The following SRGAP2C variants were observed in gnomAD, a reference collection of about 807,000 sequenced individuals.
SRGAP2C encodes the protein SLIT-ROBO Rho GTPase activating protein 2C.
In SRGAP2C, 15 loss-of-function variants were observed where a neutral mutation model predicts 25.1. That is an observed-to-expected ratio of 0.60 (90% CI 0.40 to 0.92). The LOEUF is 0.92. Ranked by LOEUF, SRGAP2C falls within the 40% of genes least tolerant of loss-of-function variation. The probability of loss-of-function intolerance (pLI) is 0.00; values close to 1 mark genes in which losing one functional copy is unlikely to be tolerated. For missense variants in SRGAP2C, 144 were observed against 264.4 expected (o/e 0.54, Z 3.16); for synonymous variants, 44 against 96.6 (o/e 0.46, Z 3.19).
At chr1:121,206,153 C>A (rs1327850450) in intron 2 of SRGAP2C, among the ~76,000 whole-genome samples, 3 of 151,672 alleles carry the variant, frequency 2.0e-5, no homozygotes, top group African/African-American at 7.3e-5. Flanking sequence ...TGCATCACTT[C>A]CTACACCCTA....
chr1:121,194,263 AG>A (rs1654770898), intron 2 of SRGAP2C, among the ~76,000 whole-genome samples: 1 of 151,276 alleles, frequency 6.6e-6, no homozygotes, highest in Non-Finnish European at 1.5e-5. Flanking sequence ...ACTATTGGCC[AG>A]GCACAGTGGC....
Position 121,259,349 on chromosome 1 carries a change from G to A in SRGAP2C, c.68-25454G>A, listed in dbSNP as rs587768044. ...TTAAAAAATTAGCCGGCATGGTGGC[G>A]CACGCTTGTAATCCCAGCTACTTGG... is the stretch of plus-strand genomic sequence containing the variant. On this transcript the variant is annotated intron_variant, in intron 2 of 9. Transcript: ENST00000367123. 9.0e-5 allele frequency among the ~76,000 whole-genome samples: 13 copies of A among 144,490 alleles called. No homozygotes were observed. The East Asian group carries it at 1.4e-3, about 16-fold the overall frequency. 94.8% of individuals were successfully genotyped at this position (144,490 alleles called of 152,430 possible). A position where few individuals can be genotyped will look rare whatever the true frequency, so the allele number is the denominator to read the frequency against.
intron 2 of SRGAP2C, among the ~76,000 whole-genome samples, chr1:121,208,679 A>G (rs1655176131): frequency 6.6e-6 from 1 of 151,392 alleles, no homozygotes; most frequent in African/African-American, 2.4e-5. Flanking sequence ...CTTGTCTGCT[A>G]AGCTATGAGC....
Position 121,213,203 on chromosome 1 carries a change from G to A in SRGAP2C, c.67+25690G>A, listed in dbSNP as rs1570710142. On this transcript the variant is annotated intron_variant, in intron 2 of 9. Coordinates refer to ENST00000367123, the MANE Select transcript of SRGAP2C (RefSeq NM_001329984.2). ...TGGGATTACAAGCGTGTGTCACCAT[G>A]CTCTTGTAATTTTTGTATTTTTAGT... is the stretch of plus-strand genomic sequence containing the variant. Among the ~76,000 whole-genome samples the A allele has an allele frequency of 2.7e-5, 4 of 148,830 alleles. No individual in the cohort carries two copies. In the South Asian group the frequency reaches 8.5e-4, roughly 32 times the overall value.
At chr1:121,218,752 G>A (rs1241503191) in intron 2 of SRGAP2C, among the ~76,000 whole-genome samples, 137 of 151,958 alleles carry the variant, frequency 9.0e-4, no homozygotes, top group Non-Finnish European at 1.7e-3. Context: ...GTCTCAGAGG[G>A]GGAAAAAAAA....
intron 2 of SRGAP2C, among the ~76,000 whole-genome samples, chr1:121,268,749 T>G: frequency 9.4e-6 from 1 of 106,286 alleles, no homozygotes; most frequent in African/African-American, 2.8e-5. Context: ...CGTGCTGGGG[T>G]GTGGTCAGGA....
At chr1:121,359,548 G>A (rs587646345) in intron 4 of SRGAP2C, among the ~76,000 whole-genome samples, 1 of 152,136 alleles carries the variant, frequency 6.6e-6, no homozygotes, top group South Asian at 2.1e-4. Flanking sequence ...CAGGAGGATT[G>A]TTTGAAGCCA....
At chr1:121,305,256 C>T (rs1270389541) in intron 3 of SRGAP2C, among the ~76,000 whole-genome samples, 1 of 151,224 alleles carries the variant, frequency 6.6e-6, no homozygotes, top group Non-Finnish European at 1.5e-5. Flanking sequence ...ATTGTCTGTA[C>T]TGTTTACCAG....
chr1:121,295,796 T>C (rs1657585308), intron 3 of SRGAP2C, among the ~76,000 whole-genome samples: 1 of 152,010 alleles, frequency 6.6e-6, no homozygotes, highest in African/African-American at 2.4e-5. Flanking sequence ...AGTTTCGCTC[T>C]TGTTGCCCAG....
At chr1:121,298,110 C>A (rs1657634599) in intron 3 of SRGAP2C, among the ~76,000 whole-genome samples, 1 of 151,016 alleles carries the variant, frequency 6.6e-6, no homozygotes, top group Non-Finnish European at 1.5e-5. Context: ...GGTATAGCTA[C>A]ATTGGGCAGG....
chr1:121,238,809 C>T (rs1476581840), intron 2 of SRGAP2C, among the ~76,000 whole-genome samples: 1 of 137,330 alleles, frequency 7.3e-6, no homozygotes, highest in East Asian at 2.1e-4. Flanking sequence ...GAGATGGGGT[C>T]TCACTCTTGT....
At chr1:121,315,576 T>C (rs1658079199) in intron 3 of SRGAP2C, among the ~76,000 whole-genome samples, 3 of 151,586 alleles carry the variant, frequency 2.0e-5, no homozygotes, top group South Asian at 2.1e-4. Context: ...GTTTTGCCAG[T>C]AAAATATCAA....
At chr1:121,191,633 G>A (rs1464281945) in intron 2 of SRGAP2C, among the ~76,000 whole-genome samples, 1 of 151,376 alleles carries the variant, frequency 6.6e-6, no homozygotes, top group East Asian at 1.9e-4. Flanking sequence ...AAGGTGCAGG[G>A]CATGGTTACC....
At chr1:121,313,824 G>A (rs1209452714) in intron 3 of SRGAP2C, among the ~76,000 whole-genome samples, 5 of 131,540 alleles carry the variant, frequency 3.8e-5, no homozygotes, top group African/African-American at 5.7e-5. Flanking sequence ...TCCCTTTGAG[G>A]GTAACCCGAC....
intron 3 of SRGAP2C, among the ~76,000 whole-genome samples, chr1:121,322,949 T>C (rs1237257938): frequency 6.6e-6 from 1 of 152,082 alleles, no homozygotes; most frequent in African/African-American, 2.4e-5. Context: ...AAGAAACAGA[T>C]AGTTATTATT....
chr1:121,267,860 T>G (rs1299927812), intron 2 of SRGAP2C, among the ~76,000 whole-genome samples: 1 of 150,718 alleles, frequency 6.6e-6, no homozygotes, highest in East Asian at 1.9e-4. Flanking sequence ...TTTTTTAATT[T>G]TTAAAGGAAT....
rs587647975 is a variant in SRGAP2C, at chr1:121,229,504, G to GA, written c.67+42000dup. ...ACCTTTCTCAGAGCAGTGCTATTGG[G>GA]AAAAAAAAATCTAGGCATTTTTGTT... is the stretch of plus-strand genomic sequence containing the variant. On this transcript the variant is annotated intron_variant, in intron 2 of 9. Coordinates refer to ENST00000367123, the MANE Select transcript of SRGAP2C (RefSeq NM_001329984.2). 2.3e-3 allele frequency among the ~76,000 whole-genome samples: 340 copies of GA among 149,256 alleles called. 2 individuals carry two copies. The highest frequency in any genetic ancestry group is 7.6e-3 in the African/African-American group (308 of 40,580).
At chr1:121,225,813 T>G (rs1253675572) in intron 2 of SRGAP2C, among the ~76,000 whole-genome samples, 2 of 145,444 alleles carry the variant, frequency 1.4e-5, no homozygotes, top group African/African-American at 5.1e-5. Flanking sequence ...CAAGTGATTC[T>G]CCTGCCTCAG....
intron 2 of SRGAP2C, among the ~76,000 whole-genome samples, chr1:121,213,197 C>T (rs1237840637): frequency 1.2e-3 from 175 of 149,006 alleles, no homozygotes; most frequent in African/African-American, 4.2e-3. Context: ...AAGCGTGTGT[C>T]ACCATGCTCT....
Sources: gnomAD v4.1 joint callset for allele counts (sites outside exome capture counted in the v4.1 genomes callset) on GRCh38, gnomAD v4.1.1 for gene constraint, MANE v1.5 for transcripts, NCBI Gene and HGNC (gene_info 2026-07-23, HGNC 2026-07-21) for gene names.